Variants in CREB1 observed in about 807,000 individuals in gnomAD.
CREB1 encodes cyclic AMP-responsive element-binding protein 1.
A neutral mutation model predicts 42.0 loss-of-function variants in CREB1; 2 were observed. That is an observed-to-expected ratio of 0.05 (90% confidence interval 0.02 to 0.15). CREB1 has a LOEUF of 0.15. Among genes scored for constraint, CREB1 ranks in the 10% least tolerant of loss-of-function variants. The pLI, the probability that CREB1 is intolerant of heterozygous loss-of-function variation, is 1.00. For synonymous variants in CREB1, 123 were observed against 139.9 expected, an observed-to-expected ratio of 0.88 and a Z score of 0.85; for missense variants, 199 against 388.9, an observed-to-expected ratio of 0.51 and a Z score of 4.11.
chr2:207,577,882 A>G, intron 7 of CREB1: 1 of 503,760 alleles, frequency 2.0e-6, no homozygotes. Flanking sequence ...TCTTTCATGC[A>G]GTTTCCCCAC....
intron 4 of CREB1, among the ~76,000 whole-genome samples, chr2:207,568,645 G>T (rs1337167907): frequency 1.3e-5 from 2 of 152,172 alleles, no homozygotes; most frequent in East Asian, 3.9e-4. Context: ...TGTCATTTTT[G>T]ACAATAGCAT....
At chr2:207,535,646 T>G (rs1321199569) in intron 1 of CREB1, among the ~76,000 whole-genome samples, 1 of 152,112 alleles carries the variant, frequency 6.6e-6, no homozygotes, top group African/African-American at 2.4e-5. Context: ...TAAACTTTAC[T>G]GCATAGATGA....
rs540492317 is a variant in CREB1, at chr2:207,555,013, T to A, written c.-8-615T>A. On this transcript the variant is annotated intron_variant, in intron 1 of 7. Coordinates refer to ENST00000353267, the MANE Select transcript of CREB1 (RefSeq NM_004379.5). The stretch of plus-strand genomic sequence containing the variant: ...GAGCCCAGGAGTTTGAGGTTGAGAT[T>A]GAGATGAACTGTGAGAACATGCTAC... 2.2e-3 allele frequency among the ~76,000 whole-genome samples: 334 copies of A among 152,226 alleles called. 1 individual carries two copies. Among genetic ancestry groups the A allele is most frequent in the Non-Finnish European group, 3.4e-3 (234 of 68,000 alleles).
Position 207,575,338 on chromosome 2 carries a change from A to C in CREB1, c.572A>C (p.Gln191Pro). 1 of 1,614,186 alleles carries C rather than the reference A, an allele frequency of 6.2e-7. No individual in the cohort carries two copies. Among genetic ancestry groups the C allele is most frequent in the Non-Finnish European group, 8.5e-7 (1 of 1,180,016 alleles). ...GGTACCGATGGGGTACAGGGCCTGC[A>C]AACATTAACCATGACCAATGCAGCA... is the stretch of plus-strand genomic sequence containing the variant. ...NNGTDGVQGL[Q>P]TLTMTNAAAT... Residue 191 changes from glutamine to proline, a missense_variant, in exon 6 of 8, where the codon CAA (glutamine) becomes CCA (proline). Physicochemically the swap from Gln to Pro is moderately conservative, Grantham distance 76 (BLOSUM62 -1). This residue lies in a region of CREB1 where 66 missense variants were observed against 88.1 expected (regional missense o/e 0.75). Transcript: ENST00000353267.
chr2:207,579,558 C>G (rs2082753870), intron 7 of CREB1, among the ~76,000 whole-genome samples: 2 of 152,162 alleles, frequency 1.3e-5, no homozygotes. Context: ...AGGAACAGGG[C>G]ACACATAACT....
intron 1 of CREB1, among the ~76,000 whole-genome samples, chr2:207,541,812 AAAAG>A (rs2081109723): frequency 6.6e-6 from 1 of 151,144 alleles, no homozygotes; most frequent in Admixed American, 6.6e-5. Context: ...CATTATCCCT[AAAAG>A]AAATCTACAC....
At chr2:207,592,410 AT>A (rs2085222016) in intron 7 of CREB1, among the ~76,000 whole-genome samples, 1 of 152,086 alleles carries the variant, frequency 6.6e-6, no homozygotes, top group Non-Finnish European at 1.5e-5. Flanking sequence ...ATCTCAAAAA[AT>A]AAAAAAAGAT....
At chr2:207,563,261 C>T (rs1006180418) in intron 3 of CREB1, among the ~76,000 whole-genome samples, 1 of 152,156 alleles carries the variant, frequency 6.6e-6, no homozygotes, top group Non-Finnish European at 1.5e-5. Flanking sequence ...ATTGGAGATG[C>T]AATTTACAAC....
Position 207,567,575 on chromosome 2 carries a change from A to C in CREB1, c.362+12A>C. On this transcript the variant is annotated intron_variant, in intron 4 of 7. Coordinates refer to ENST00000353267, the MANE Select transcript of CREB1 (RefSeq NM_004379.5). ...AGGCCTTCCTACAGGTATGGAATTT[A>C]ATAGTTAGAATCAAAGATGTGGAGG... The C allele has an allele frequency of 6.4e-7, 1 of 1,568,468 alleles. No individual in the cohort carries two copies. Among genetic ancestry groups the C allele is most frequent in the Non-Finnish European group, 8.8e-7 (1 of 1,140,204 alleles).
At chr2:207,547,723 A>G (rs1010174044) in intron 1 of CREB1, among the ~76,000 whole-genome samples, 18 of 152,058 alleles carry the variant, frequency 1.2e-4, no homozygotes, top group African/African-American at 3.4e-4. Flanking sequence ...TGGTGGTCAC[A>G]TACATGAAGA....
In CREB1 at chr2:207,597,028, T is replaced by G. The variant is rs1190142653; in HGVS notation, c.954T>G (p.Leu318=). Residue 318 remains leucine, a synonymous_variant, in exon 8 of 8, where the codon CTT becomes CTG. Coordinates refer to ENST00000353267, the MANE Select transcript of CREB1 (RefSeq NM_004379.5). ...CATTGATTGAGGAGCTAAAAGCACT[T>G]AAGGACCTTTACTGCCACAAATCAG... ...NKTLIEELKA[L]KDLYCHKSD The G allele has an allele frequency of 6.2e-7, 1 of 1,607,904 alleles. No homozygotes were observed. Among genetic ancestry groups the G allele is most frequent in the Non-Finnish European group, 8.5e-7 (1 of 1,178,358 alleles).
At chr2:207,544,645 A>T (rs904303867) in intron 1 of CREB1, among the ~76,000 whole-genome samples, 1 of 152,110 alleles carries the variant, frequency 6.6e-6, no homozygotes, top group African/African-American at 2.4e-5. Flanking sequence ...TTTGCTGCAC[A>T]CATCATCCCA....
rs111282157 is a variant in CREB1, at chr2:207,543,611, T to C, written c.-8-12017T>C. On this transcript the variant is annotated intron_variant, in intron 1 of 7. Coordinates refer to ENST00000353267, the MANE Select transcript of CREB1 (RefSeq NM_004379.5). ...AATGGTTATTAATTTTATTTATTTA[T>C]TTATTTATTTATTTTTGAGATGGAG... 4.5e-4 allele frequency among the ~76,000 whole-genome samples: 68 copies of C among 152,124 alleles called. 1 individual carries two copies. Among genetic ancestry groups the C allele is most frequent in the African/African-American group, 1.5e-3 (64 of 41,514 alleles).
At chr2:207,567,358 A>T in intron 3 of CREB1, 105 bp from the exon 4 acceptor site, 1 of 696,506 alleles carries the variant, frequency 1.4e-6, no homozygotes, top group Non-Finnish European at 2.3e-6. Flanking sequence ...ATTTTTTTCT[A>T]CTGAAGCATG....
intron 2 of CREB1, among the ~76,000 whole-genome samples, chr2:207,556,911 C>T (rs941787198): frequency 5.3e-5 from 8 of 152,010 alleles, no homozygotes; most frequent in Non-Finnish European, 1.2e-4. Context: ...CTGAGGCGAG[C>T]GAATCACTTG....
chr2:207,570,905 G>A (rs977911498), intron 5 of CREB1, among the ~76,000 whole-genome samples: 1 of 151,346 alleles, frequency 6.6e-6, no homozygotes, highest in Non-Finnish European at 1.5e-5. Context: ...TGATGTCTCT[G>A]TCTGGCACTT....
At chr2:207,583,627 G>C (rs944099574) in intron 7 of CREB1, among the ~76,000 whole-genome samples, 3 of 152,032 alleles carry the variant, frequency 2.0e-5, no homozygotes, top group African/African-American at 7.2e-5. Context: ...AGTTAGATTT[G>C]TCACAATCTT....
intron 7 of CREB1, among the ~76,000 whole-genome samples, chr2:207,590,084 T>C (rs1192126393): frequency 2.0e-4 from 1 of 5,096 alleles, no homozygotes; most frequent in Non-Finnish European, 3.7e-4. Context: ...TTTTGAGAAG[T>C]TTTTTTTTTT....
At chr2:207,587,846 C>A (rs772980382) in intron 7 of CREB1, among the ~76,000 whole-genome samples, 5 of 152,146 alleles carry the variant, frequency 3.3e-5, no homozygotes, top group Admixed American at 1.3e-4. Flanking sequence ...CACAAACTTA[C>A]ATCTAGGTTG....
Sources: allele counts gnomAD v4.1 joint callset (sites outside exome capture counted in the v4.1 genomes callset), GRCh38; gene constraint gnomAD v4.1.1; regional missense constraint gnomAD v4.1.1; transcripts MANE v1.5; gene names NCBI Gene and HGNC (gene_info 2026-07-23, HGNC 2026-07-21).